Variants in ZAN observed in about 807,000 individuals in gnomAD.
ZAN encodes zonadhesin.
A neutral mutation model predicts 286.2 loss-of-function variants in ZAN; 260 were observed. That is an observed-to-expected ratio of 0.91 (90% confidence interval 0.82 to 1.01). ZAN has a LOEUF of 1.01. Among genes scored for constraint, ZAN ranks in the 50% least tolerant of loss-of-function variants. The pLI is 0.00. For missense variants in ZAN, 3,410 were observed against 3,639.2 expected, an observed-to-expected ratio of 0.94 and a Z score of 1.62; for synonymous variants, 1,368 against 1,417.5, an observed-to-expected ratio of 0.97 and a Z score of 0.79.
In ZAN at chr7:100,735,733, C is replaced by T; in HGVS notation, c.67C>T (p.Pro23Ser). The T allele has an allele frequency of 1.3e-6, 2 of 1,509,552 alleles. 1 individual carries two copies. The highest frequency in any genetic ancestry group is 1.8e-6 in the Non-Finnish European group (2 of 1,100,762). 93.5% of individuals were successfully genotyped at this position (1,509,552 alleles called of 1,614,324 possible). ...ACGACCCCCAAGGAAAGAGAAGCCTCCGGACCAGAAGCTGGTTGTTCGCAG... is the reference window on the plus strand; with the variant it reads ...ACGACCCCCAAGGAAAGAGAAGCCTTCGGACCAGAAGCTGGTTGTTCGCAG... ...GAALFRKEKP[P>S]DQKLVVRSSR... Residue 23 changes from proline (P) to serine (S), a missense_variant, in exon 3 of 48, where the codon CCG becomes TCG. By Grantham distance (74) the Pro-to-Ser change is moderately conservative. Coordinates refer to ENST00000613979, the MANE Select transcript of ZAN (RefSeq NM_003386.3).
At chr7:100,766,908 G>A (rs1204553289) in intron 24 of ZAN, 102 bp from the exon 25 acceptor site, 14 of 1,552,066 alleles carry the variant, frequency 9.0e-6, no homozygotes, top group South Asian at 7.4e-5. Context: ...TGGGTGGGCC[G>A]TGGGGACCAT....
chr7:100,748,497 C>A, intron 11 of ZAN, 27 bp downstream of exon 11: 1 of 1,590,890 alleles, frequency 6.3e-7, no homozygotes, highest in Non-Finnish European at 8.6e-7. Flanking sequence ...GCGCTCACGC[C>A]AAGAAATCAC....
chr7:100,748,964 A>G (rs1808419753), intron 11 of ZAN, among the ~76,000 whole-genome samples: 1 of 152,066 alleles, frequency 6.6e-6, no homozygotes, highest in Non-Finnish European at 1.5e-5. Flanking sequence ...TCAGCTCAGA[A>G]GTCAAGGCTG....
At position 100,752,578 on chromosome 7, in the gene ZAN, C is replaced by G; in HGVS notation, c.2473C>G (p.Pro825Ala). The change falls in exon 14 of 48, where the codon CCC (proline) becomes GCC (alanine). Residue 825 changes from proline (P) to alanine (A), a missense_variant. By Grantham distance (27) the Pro-to-Ala change is conservative. This residue lies in a region of ZAN where 90 missense variants were observed against 87.1 expected (regional missense o/e 1.03). Transcript: ENST00000613979. ...CATCCCCATGGAAAAACCCACTCTCCCCACTGAAGAAACCACCACCTCTGT... is the reference window on the plus strand; with the variant it reads ...CATCCCCATGGAAAAACCCACTCTCGCCACTGAAGAAACCACCACCTCTGT... ...PSIPMEKPTL[P>A]TEETTTSVEE... is the part of the protein sequence containing the mutation. 3 of 1,612,364 alleles carry G rather than the reference C, an allele frequency of 1.9e-6. No homozygotes were observed. The highest frequency in any genetic ancestry group is 2.5e-6 in the Non-Finnish European group (3 of 1,179,606).
rs926712001 is a variant in ZAN, at chr7:100,758,310, C to T, written c.3418C>T (p.Leu1140Phe). The change falls in exon 16 of 48, where the codon CTT becomes TTT. Residue 1140 changes from leucine (L) to phenylalanine (F), a missense_variant. Physicochemically the swap from Leu to Phe is conservative, Grantham distance 22. Transcript: ENST00000613979. The stretch of plus-strand genomic sequence containing the variant: ...GTGTGGGACACACACCGTGTGCCAG[C>T]TTAAGAATGGCCAGTATGGATGCCA... ...SQCGTHTVCQ[L>F]KNGQYGCHPY... 1 of 1,613,308 alleles carries T rather than the reference C, an allele frequency of 6.2e-7. No homozygotes were observed. The highest frequency in any genetic ancestry group is 8.5e-7 in the Non-Finnish European group (1 of 1,179,860).
At chr7:100,779,882 C>G in intron 35 of ZAN, 132 bp downstream of exon 35, 1 of 1,040,146 alleles carries the variant, frequency 9.6e-7, no homozygotes, top group African/African-American at 1.6e-5. Flanking sequence ...TTGACAAGGA[C>G]TATTTTTTAA....
In ZAN at chr7:100,769,992, T is replaced by G. The variant is rs1265490673; in HGVS notation, c.5248+18T>G. On this transcript the variant is annotated intron_variant, in intron 28 of 47. Transcript: ENST00000613979. ...CCCTCAGGGTAAGACATGTCCCTGC[T>G]GGCCCTTTTTCCTCCCTGAAGGACA... 6.4e-7 allele frequency: 1 copy of G among 1,552,800 alleles called. No individual in the cohort carries two copies. The highest frequency in any genetic ancestry group is 2.4e-5 in the East Asian group (1 of 41,336).
Position 100,773,388 on chromosome 7 carries a change from C to G in ZAN, c.5529C>G (p.Pro1843=). ...CGAGGGACTGCCCCAAAGCACTGCC[C>G]TGTGCTGAGAGCTGTGAATGTCAGA... The part of the protein sequence containing the change: ...NNPRDCPKAL[P]CAESCECQKG... Residue 1843 remains proline, a synonymous_variant, in exon 30 of 48, where the codon CCC becomes CCG. Transcript: ENST00000613979. 6.2e-7 allele frequency: 1 copy of G among 1,614,032 alleles called. No homozygotes were observed. The highest frequency in any genetic ancestry group is 8.5e-7 in the Non-Finnish European group (1 of 1,179,900).
chr7:100,749,202 A>C (rs1808436403), intron 11 of ZAN, among the ~76,000 whole-genome samples: 1 of 151,872 alleles, frequency 6.6e-6, no homozygotes, highest in African/African-American at 2.4e-5. Flanking sequence ...ATTAGCCGGG[A>C]GTGGTGGCGT....
In ZAN at chr7:100,772,012, C is replaced by A. The variant is rs1474186938; in HGVS notation, c.5417C>A (p.Thr1806Asn). Residue 1806 changes from threonine to asparagine, a missense_variant, in exon 29 of 48, where the codon ACC becomes AAC. This residue lies in a region of ZAN where 1,289 missense variants were observed against 1,314.3 expected (regional missense o/e 0.98). Coordinates refer to ENST00000613979, the MANE Select transcript of ZAN (RefSeq NM_003386.3). ...CAGGCCCCTGCCTGGCGGAACAGAA[C>A]CTTCTGCCGTGAGTGACTGGCCACC... is the stretch of plus-strand genomic sequence containing the variant. ...AGQAPAWRNRTFCPMRCPPGS... is the reference protein window; with the variant it reads ...AGQAPAWRNRNFCPMRCPPGS... The A allele has an allele frequency of 2.5e-6, 4 of 1,596,210 alleles. No individual in the cohort carries two copies. Among genetic ancestry groups the A allele is most frequent in the Non-Finnish European group, 3.4e-6 (4 of 1,172,776 alleles).
rs1810713415 is a variant in ZAN at position 100,775,593 on chromosome 7, AC to A, written c.6027+20del. The A allele has an allele frequency of 6.2e-7, 1 of 1,611,918 alleles. No homozygotes were observed. The highest frequency in any genetic ancestry group is 1.3e-5 in the African/African-American group (1 of 74,856). On this transcript the variant is annotated intron_variant, in intron 32 of 47. Coordinates refer to ENST00000613979, the MANE Select transcript of ZAN (RefSeq NM_003386.3). ...GTGTGCTAGTGAGCTGGGTGTGGTG[AC>A]CGGGGCTGGGAGGGAGTGCTGGGGA...
chr7:100,797,010 GC>G (rs898214962), intron 45 of ZAN, among the ~76,000 whole-genome samples: 18 of 152,114 alleles, frequency 1.2e-4, no homozygotes, highest in Non-Finnish European at 2.5e-4. Flanking sequence ...GGTGGCATGT[GC>G]CCATAGTCCC....
At chr7:100,791,850 C>T (rs1811983939) in intron 40 of ZAN, 116 bp from the exon 41 acceptor site, 3 of 1,286,948 alleles carry the variant, frequency 2.3e-6, no homozygotes, top group Admixed American at 2.7e-5. Flanking sequence ...GCCTCAGCCT[C>T]CCGGGTAGCT....
At chr7:100,764,704 T>TAATA (rs912905652) in intron 22 of ZAN, among the ~76,000 whole-genome samples, 3 of 147,050 alleles carry the variant, frequency 2.0e-5, no homozygotes, top group African/African-American at 5.0e-5. Context: ...ATAATAAAAA[T>TAATA]AATAAATAAA....
At chr7:100,796,421 C>CTTT (rs144829996) in intron 45 of ZAN, among the ~76,000 whole-genome samples, 7 of 120,416 alleles carry the variant, frequency 5.8e-5, no homozygotes, top group Non-Finnish European at 8.5e-5. Flanking sequence ...CAGGAATCTG[C>CTTT]TTTTTTTTTT....
chr7:100,779,841 G>C, intron 35 of ZAN, 91 bp downstream of exon 35: 4 of 1,324,816 alleles, frequency 3.0e-6, no homozygotes, highest in Non-Finnish European at 4.0e-6. Flanking sequence ...CTTCCTGTTC[G>C]TTCCTGACTA....
At position 100,794,937 on chromosome 7, in the gene ZAN, A is replaced by AGGAGGGAAGGAGAGAAGGAG. The variant is rs1487590727; in HGVS notation, c.8126-253_8126-234dup. On this transcript the variant is annotated intron_variant, in intron 44 of 47. Transcript: ENST00000613979. ...GGAGAGGAAGGGAGAGGAGGGGAGA[A>AGGAGGGAAGGAGAGAAGGAG]GGAGGGAAGGAGAGAAGGAGGGAGG... 4.0e-5 allele frequency among the ~76,000 whole-genome samples: 6 copies of AGGAGGGAAGGAGAGAAGGAG among 149,698 alleles called. No individual in the cohort carries two copies. The East Asian group carries it at 1.2e-3, about 30-fold the overall frequency.
In ZAN at chr7:100,773,731, G is replaced by T; in HGVS notation, c.5645G>T (p.Arg1882Leu). The change falls in exon 31 of 48, where the codon CGC becomes CTC. Residue 1882 changes from arginine (R) to leucine (L), a missense_variant. Coordinates refer to ENST00000613979, the MANE Select transcript of ZAN (RefSeq NM_003386.3). ...CCCTGTGGCCCACAGGTCGGGGAGC[G>T]CTGGTACACAGAGAACACCTGCACC... is the stretch of plus-strand genomic sequence containing the variant. ...PAGSYHPVGERWYTENTCTRL... is the reference protein window; with the variant it reads ...PAGSYHPVGELWYTENTCTRL... 1.2e-6 allele frequency: 2 copies of T among 1,609,628 alleles called. No individual in the cohort carries two copies. The highest frequency in any genetic ancestry group is 1.7e-6 in the Non-Finnish European group (2 of 1,177,944).
Position 100,752,194 on chromosome 7 carries a change from A to G in ZAN, c.2089A>G (p.Thr697Ala), listed in dbSNP as rs1808738869. 6.2e-7 allele frequency: 1 copy of G among 1,611,862 alleles called. No individual in the cohort carries two copies. The highest frequency in any genetic ancestry group is 8.5e-7 in the Non-Finnish European group (1 of 1,179,538). ...ACCCAGCATCCCCACGGAAAAACCC[A>G]CCATCTCCATGGAAGAGACTATCAT... is the stretch of plus-strand genomic sequence containing the variant. Reference protein sequence around the residue: ...EKPSIPTEKPTISMEETIIST... With the variant: ...EKPSIPTEKPAISMEETIIST... The change falls in exon 14 of 48, where the codon ACC becomes GCC. Residue 697 changes from threonine to alanine, a missense_variant. By Grantham distance (58) the Thr-to-Ala change is moderately conservative. Transcript: ENST00000613979.
Sources: allele counts gnomAD v4.1 joint callset (sites outside exome capture counted in the v4.1 genomes callset), GRCh38; gene constraint gnomAD v4.1.1; regional missense constraint gnomAD v4.1.1; transcripts MANE v1.5; gene names NCBI Gene and HGNC (gene_info 2026-07-23, HGNC 2026-07-21).